The following NBAS variants were observed in gnomAD, a reference collection of about 807,000 sequenced individuals.
NBAS encodes the protein NAG/BC035112 fusion.
In NBAS, 219 loss-of-function variants were observed where a neutral mutation model predicts 302.5. The observed-to-expected ratio is 0.72, with a 90% CI of 0.65 to 0.81. The LOEUF (loss-of-function observed/expected upper bound fraction) is 0.81, where lower values mean the gene tolerates loss of function less well. NBAS is among the 30% of genes least tolerant of loss of function. The probability of loss-of-function intolerance (pLI) is 0.00; values close to 1 mark genes in which losing one functional copy is unlikely to be tolerated. For missense variants in NBAS, 2,932 were observed against 2,841.6 expected, an observed-to-expected ratio of 1.03 and a Z score of -0.72; for synonymous variants, 1,118 against 1,021.6, an observed-to-expected ratio of 1.09 and a Z score of -1.80.
At chr2:14,950,656 C>A in the NBAS span, among the ~76,000 whole-genome samples, 2 of 152,066 alleles carry the variant, frequency 1.3e-5, no homozygotes, top group African/African-American at 2.4e-5. Context: ...GCATGATAGG[C>A]CCCAAGATGA....
chr2:15,326,636 T>A (rs1351824578), intron 38 of NBAS, among the ~76,000 whole-genome samples: 1 of 152,206 alleles, frequency 6.6e-6, no homozygotes, highest in Non-Finnish European at 1.5e-5. Flanking sequence ...GTAATTGTAA[T>A]ATGTATGGTA....
intron 25 of NBAS, 40 bp downstream of exon 25, chr2:15,415,506 A>G (rs757415024): frequency 3.2e-6 from 5 of 1,582,758 alleles, no homozygotes; most frequent in Non-Finnish European, 4.3e-6. Flanking sequence ...ACTGTAGGGG[A>G]AAAAGTGCCC....
At chr2:15,545,215 T>G (rs1461973727) in intron 6 of NBAS, among the ~76,000 whole-genome samples, 1 of 152,196 alleles carries the variant, frequency 6.6e-6, no homozygotes, top group Non-Finnish European at 1.5e-5. Context: ...TATATTAGAA[T>G]AGGCTTAATT....
chr2:15,557,652 C>T (rs886309568), intron 2 of NBAS, among the ~76,000 whole-genome samples: 1 of 152,162 alleles, frequency 6.6e-6, no homozygotes, highest in Non-Finnish European at 1.5e-5. Flanking sequence ...TGAATTTTCT[C>T]TTTATAAGGA....
At chr2:15,255,912 C>CATATTTTCATACGAGTACAGTATGAA (rs1451030778) in intron 44 of NBAS, among the ~76,000 whole-genome samples, 1 of 152,130 alleles carries the variant, frequency 6.6e-6, no homozygotes, top group Non-Finnish European at 1.5e-5. Flanking sequence ...GGTCTATATG[C>CATATTTTCATACGAGTACAGTATGAA]ATATTTTCAT....
rs562989667 is a variant in NBAS, at chr2:15,460,516, G to A, written c.2339+685C>T. ...GTATGCTAAGCCCTCTTTTCTCCCA[G>A]GTGCCATTCAGGCCTGGGGCAAATG... On this transcript the variant is annotated intron_variant, in intron 21 of 51. Transcript: ENST00000281513. Among the ~76,000 whole-genome samples, 6 of 152,276 alleles carry A rather than the reference G, an allele frequency of 3.9e-5. No individual in the cohort carries two copies. In the South Asian group the frequency reaches 1.2e-3, roughly 32 times the overall value.
At chr2:14,783,094 C>T in the NBAS span, among the ~76,000 whole-genome samples, 1 of 151,976 alleles carries the variant, frequency 6.6e-6, no homozygotes, top group Non-Finnish European at 1.5e-5. Flanking sequence ...TGCACATGTA[C>T]CCCTGAACCG....
At chr2:15,336,089 T>C (rs1184723625) in intron 35 of NBAS, among the ~76,000 whole-genome samples, 1 of 145,334 alleles carries the variant, frequency 6.9e-6, no homozygotes, top group Non-Finnish European at 1.5e-5. Flanking sequence ...GGGATCCTCA[T>C]TTCAAAAAAA....
intron 1 of NBAS, 116 bp downstream of exon 1, chr2:15,561,072 C>G (rs948157029): frequency 1.7e-5 from 12 of 698,472 alleles, no homozygotes; most frequent in African/African-American, 1.3e-4. Context: ...CACAAGCCAA[C>G]CGGCCCTAGT....
chr2:14,902,248 C>T, the NBAS span, among the ~76,000 whole-genome samples: 789 of 152,292 alleles, frequency 5.2e-3, 3 homozygotes, highest in African/African-American at 0.018. Flanking sequence ...TCTTGTGCGT[C>T]AGCCTCCCAA....
chr2:15,421,932 A>G (rs1377846508), intron 23 of NBAS, among the ~76,000 whole-genome samples: 1 of 152,042 alleles, frequency 6.6e-6, no homozygotes, highest in Non-Finnish European at 1.5e-5. Flanking sequence ...CCCACTATCA[A>G]CATTCCCCAC....
chr2:14,994,544 C>T, the NBAS span, among the ~76,000 whole-genome samples: 1 of 152,124 alleles, frequency 6.6e-6, no homozygotes, highest in Non-Finnish European at 1.5e-5. Flanking sequence ...GAGCAAGGGG[C>T]CTTGGATGTG....
chr2:15,494,154 A>C (rs1558388132), intron 11 of NBAS, among the ~76,000 whole-genome samples: 1 of 152,184 alleles, frequency 6.6e-6, no homozygotes, highest in Non-Finnish European at 1.5e-5. Context: ...AGTAAGTCTT[A>C]AATTTCTTTC....
intron 21 of NBAS, among the ~76,000 whole-genome samples, chr2:15,440,967 A>G (rs1678362491): frequency 6.6e-6 from 1 of 152,132 alleles, no homozygotes; most frequent in African/African-American, 2.4e-5. Context: ...AAAAGAATAA[A>G]AAGAAACGAA....
chr2:15,231,482 G>C (rs1667379380), intron 47 of NBAS, among the ~76,000 whole-genome samples: 1 of 152,120 alleles, frequency 6.6e-6, no homozygotes, highest in Non-Finnish European at 1.5e-5. Context: ...GTATGACTCT[G>C]GGCAAGTCAA....
At chr2:15,156,980 CCT>C in the NBAS span, among the ~76,000 whole-genome samples, 10 of 152,248 alleles carry the variant, frequency 6.6e-5, no homozygotes, top group Admixed American at 3.9e-4. Context: ...GACCCACCCC[CCT>C]CTCACACACA....
chr2:15,202,782 C>T (rs979419629), intron 48 of NBAS, among the ~76,000 whole-genome samples: 23 of 152,178 alleles, frequency 1.5e-4, no homozygotes, highest in African/African-American at 5.6e-4. Flanking sequence ...AGGTAATCTG[C>T]TTGCCTCAGC....
intron 25 of NBAS, among the ~76,000 whole-genome samples, chr2:15,407,643 C>A (rs1037724005): frequency 1.3e-5 from 2 of 152,054 alleles, no homozygotes; most frequent in African/African-American, 4.8e-5. Flanking sequence ...GCAGAATGAG[C>A]AAAATTTTAA....
At chr2:15,521,712 A>G (rs934165646) in intron 9 of NBAS, among the ~76,000 whole-genome samples, 2 of 152,208 alleles carry the variant, frequency 1.3e-5, no homozygotes, top group South Asian at 4.1e-4. Context: ...TTTAAAAACA[A>G]CAATGACATT....
Sources: allele counts gnomAD v4.1 joint callset (sites outside exome capture counted in the v4.1 genomes callset), GRCh38; gene constraint gnomAD v4.1.1; transcripts MANE v1.5; gene names NCBI Gene and HGNC (gene_info 2026-07-23, HGNC 2026-07-21).